PLCXD3: variants seen among roughly 807,000 people sequenced by gnomAD.
The protein encoded by PLCXD3 is PI-PLC X domain-containing protein 3.
Under a neutral mutation model 25.5 loss-of-function variants are expected in PLCXD3, and 19 were observed. The observed-to-expected ratio is 0.75, with a 90% confidence interval of 0.52 to 1.09. PLCXD3 has a LOEUF of 1.09. Ranked by LOEUF, PLCXD3 falls within the 50% of genes least tolerant of loss-of-function variation. The pLI is 0.00. For synonymous variants in PLCXD3, 174 were observed against 137.6 expected, an observed-to-expected ratio of 1.26 and a Z score of -1.85; for missense variants, 411 against 388.1, an observed-to-expected ratio of 1.06 and a Z score of -0.50.
At chr5:41,394,145 G>T (rs1255445778) in intron 1 of PLCXD3, among the ~76,000 whole-genome samples, 1 of 151,908 alleles carries the variant, frequency 6.6e-6, no homozygotes, top group African/African-American at 2.4e-5. Flanking sequence ...TAAAAAGCAG[G>T]GAGACAAAGT....
intron 1 of PLCXD3, among the ~76,000 whole-genome samples, chr5:41,500,344 T>C (rs900762925): frequency 6.6e-6 from 1 of 151,898 alleles, no homozygotes; most frequent in Admixed American, 6.6e-5. Flanking sequence ...AAATATTGCA[T>C]GTGCTCACTC....
At chr5:41,494,773 A>G (rs986667634) in intron 1 of PLCXD3, among the ~76,000 whole-genome samples, 1 of 152,284 alleles carries the variant, frequency 6.6e-6, no homozygotes, top group Non-Finnish European at 1.5e-5. Flanking sequence ...AAGTGATTGG[A>G]TTACATATTT....
At chr5:41,366,971 C>A (rs534538977) in intron 2 of PLCXD3, among the ~76,000 whole-genome samples, 1 of 152,294 alleles carries the variant, frequency 6.6e-6, no homozygotes, top group African/African-American at 2.4e-5. Context: ...GACATGATCT[C>A]CTCCTTTTTA....
chr5:41,384,444 T>C (rs1010201193), intron 1 of PLCXD3, among the ~76,000 whole-genome samples: 2 of 152,046 alleles, frequency 1.3e-5, no homozygotes, highest in Non-Finnish European at 2.9e-5. Flanking sequence ...TAAATACACT[T>C]ATTTAAAAAT....
intron 1 of PLCXD3, among the ~76,000 whole-genome samples, chr5:41,494,489 A>C (rs1337918069): frequency 6.6e-6 from 1 of 152,234 alleles, no homozygotes; most frequent in African/African-American, 2.4e-5. Context: ...TTAAGTAAAA[A>C]ATAAAAATGA....
At chr5:41,499,559 T>C (rs188113252) in intron 1 of PLCXD3, among the ~76,000 whole-genome samples, 99 of 151,858 alleles carry the variant, frequency 6.5e-4, no homozygotes, top group African/African-American at 2.3e-3. Flanking sequence ...TGCTCAAATG[T>C]TACCACTCCC....
At chr5:41,424,837 G>C (rs1219218065) in intron 1 of PLCXD3, among the ~76,000 whole-genome samples, 1 of 152,140 alleles carries the variant, frequency 6.6e-6, no homozygotes, top group Non-Finnish European at 1.5e-5. Context: ...TGAGTGTCTT[G>C]ATTTGGGGAA....
chr5:41,413,813 C>A (rs1026476154), intron 1 of PLCXD3, among the ~76,000 whole-genome samples: 19 of 151,996 alleles, frequency 1.3e-4, no homozygotes. Flanking sequence ...ATATGACAAA[C>A]TAGAGTTTAA....
chr5:41,369,262 A>T lies in PLCXD3; in HGVS notation c.812+12564T>A, dbSNP rs182908580. Among the ~76,000 whole-genome samples, 3 of 152,290 alleles carry T rather than the reference A, an allele frequency of 2.0e-5. No individual in the cohort carries two copies. In the East Asian group the frequency reaches 5.8e-4, roughly 29 times the overall value. ...CTAAGTTTTCAGGATACTTAACAAT[A>T]GTCCATCATGACTCTTCTCAATCAA... On this transcript the variant is annotated intron_variant, in intron 2 of 2. Transcript: ENST00000377801.
chr5:41,336,218 C>T (rs1359688773), intron 2 of PLCXD3, among the ~76,000 whole-genome samples: 2 of 151,922 alleles, frequency 1.3e-5, no homozygotes, highest in African/African-American at 4.8e-5. Flanking sequence ...TAAAATGAAA[C>T]AATACATTAT....
At chr5:41,376,046 G>A (rs568337970) in intron 2 of PLCXD3, among the ~76,000 whole-genome samples, 1 of 152,104 alleles carries the variant, frequency 6.6e-6, no homozygotes, top group Admixed American at 6.6e-5. Flanking sequence ...ACATAATGTG[G>A]GCTCAACAAC....
At chr5:41,502,010 T>A (rs1182055315) in intron 1 of PLCXD3, among the ~76,000 whole-genome samples, 1 of 151,502 alleles carries the variant, frequency 6.6e-6, no homozygotes, top group Non-Finnish European at 1.5e-5. Context: ...TGGTAACAAA[T>A]TTTTTTTTGC....
At chr5:41,442,403 T>C (rs542366593) in intron 1 of PLCXD3, among the ~76,000 whole-genome samples, 41 of 152,298 alleles carry the variant, frequency 2.7e-4, no homozygotes, top group Non-Finnish European at 4.1e-4. Flanking sequence ...ATCATACACA[T>C]TAAAGTAATA....
At chr5:41,472,818 A>G (rs1748194808) in intron 1 of PLCXD3, among the ~76,000 whole-genome samples, 1 of 152,224 alleles carries the variant, frequency 6.6e-6, no homozygotes, top group Admixed American at 6.5e-5. Context: ...AGAAAGACAG[A>G]TCATTGTAGG....
intron 1 of PLCXD3, among the ~76,000 whole-genome samples, chr5:41,466,638 T>C (rs955146912): frequency 6.6e-6 from 1 of 152,086 alleles, no homozygotes; most frequent in Non-Finnish European, 1.5e-5. Context: ...TCTCAAAATC[T>C]ATTTTTCTTG....
chr5:41,468,346 T>C (rs989512215), intron 1 of PLCXD3, among the ~76,000 whole-genome samples: 5 of 152,066 alleles, frequency 3.3e-5, no homozygotes, highest in Admixed American at 3.3e-4. Context: ...TTAAGATTGG[T>C]TTGGCTATAT....
At chr5:41,426,370 T>TAAATGA (rs1746957524) in intron 1 of PLCXD3, among the ~76,000 whole-genome samples, 1 of 152,092 alleles carries the variant, frequency 6.6e-6, no homozygotes, top group South Asian at 2.1e-4. Flanking sequence ...TACCATCTCA[T>TAAATGA]TTATGCTTTC....
chr5:41,420,827 A>G (rs1400552149), intron 1 of PLCXD3, among the ~76,000 whole-genome samples: 1 of 152,170 alleles, frequency 6.6e-6, no homozygotes, highest in Non-Finnish European at 1.5e-5. Flanking sequence ...CATTGTCTGC[A>G]AGTTCTTGGT....
At chr5:41,464,692 A>G (rs2150518026) in intron 1 of PLCXD3, among the ~76,000 whole-genome samples, 1 of 152,202 alleles carries the variant, frequency 6.6e-6, no homozygotes, top group Middle Eastern at 3.4e-3. Flanking sequence ...TAATCTGAAG[A>G]CTTATGTCTT....
Sources: allele counts gnomAD v4.1 joint callset (sites outside exome capture counted in the v4.1 genomes callset), GRCh38; gene constraint gnomAD v4.1.1; transcripts MANE v1.5; gene names NCBI Gene and HGNC (gene_info 2026-07-23, HGNC 2026-07-21).